The following DBX2 variants were observed in gnomAD, a reference collection of about 807,000 sequenced individuals.
DBX2 encodes developing brain homeobox 2, also known as homeobox protein DBX2.
DBX2 carries 16 observed loss-of-function variants against 17.7 expected under a neutral mutation model. The observed-to-expected ratio is 0.90, with a 90% CI of 0.61 to 1.37. The LOEUF is 1.37. Ranked by LOEUF, DBX2 falls within the 40% of genes most tolerant of loss-of-function variation. The probability of loss-of-function intolerance (pLI) is 0.00; values close to 1 mark genes in which losing one functional copy is unlikely to be tolerated. For synonymous variants in DBX2, 255 were observed against 183.8 expected (o/e 1.39, Z -3.13); for missense variants, 538 against 433.8 (o/e 1.24, Z -2.13).
At chr12:45,024,146 C>T (rs1252192454) in intron 2 of DBX2, among the ~76,000 whole-genome samples, 1 of 152,128 alleles carries the variant, frequency 6.6e-6, no homozygotes, top group African/African-American at 2.4e-5. Flanking sequence ...CCATGCTGTT[C>T]TCATGAAAGT....
At chr12:45,017,098 A>G (rs1403769281) in intron 3 of DBX2, among the ~76,000 whole-genome samples, 1 of 152,160 alleles carries the variant, frequency 6.6e-6, no homozygotes, top group African/African-American at 2.4e-5. Context: ...AAATATCTTA[A>G]TCTAATATCC....
At chr12:45,032,883 T>C (rs1050054731) in intron 2 of DBX2, among the ~76,000 whole-genome samples, 12 of 152,356 alleles carry the variant, frequency 7.9e-5, no homozygotes, top group African/African-American at 2.9e-4. Flanking sequence ...AAGTAATTTT[T>C]AAAAAGTCAT....
At chr12:45,019,641 A>C (rs1565579992) in intron 3 of DBX2, among the ~76,000 whole-genome samples, 1 of 152,090 alleles carries the variant, frequency 6.6e-6, no homozygotes, top group Non-Finnish European at 1.5e-5. Context: ...AAAGTGCATA[A>C]AAATTTGTGA....
chr12:45,050,780 G>A lies in DBX2; in HGVS notation c.148C>T (p.Pro50Ser), dbSNP rs754475024. 4 of 1,518,770 alleles carry A rather than the reference G, an allele frequency of 2.6e-6. No individual in the cohort carries two copies. The highest frequency in any genetic ancestry group is 3.5e-6 in the Non-Finnish European group (4 of 1,134,952). 94.1% of individuals were successfully genotyped at this position (1,518,770 alleles called of 1,614,324 possible). A position where few individuals can be genotyped will look rare whatever the true frequency, so the allele number is the denominator to read the frequency against. ...IENLLRVGGAPTPRLQPPAPH... is the reference protein window; with the variant it reads ...IENLLRVGGASTPRLQPPAPH... ...GCGGGCGGCTGCAGCCTGGGCGTTG[G>A]GGCGCCCCCGACCCGCAGCAAATTC... The change falls in exon 1 of 4, where the codon CCA becomes TCA. Residue 50 changes from proline (P) to serine (S), a missense_variant. Physicochemically the swap from Pro to Ser is moderately conservative, Grantham distance 74. Transcript: ENST00000332700.
At chr12:45,023,276 A>G (rs1946363070) in intron 3 of DBX2, among the ~76,000 whole-genome samples, 1 of 152,220 alleles carries the variant, frequency 6.6e-6, no homozygotes, top group South Asian at 2.1e-4. Context: ...TCATGGTTTG[A>G]TTTTTGGATT....
At chr12:45,018,005 T>A (rs1208741990) in intron 3 of DBX2, among the ~76,000 whole-genome samples, 1 of 152,200 alleles carries the variant, frequency 6.6e-6, no homozygotes, top group Non-Finnish European at 1.5e-5. Flanking sequence ...TTTTACTTGA[T>A]TGGCAATGTT....
chr12:45,016,460 G>C lies in DBX2; in HGVS notation c.846C>G (p.Val282=). The C allele has an allele frequency of 6.2e-7, 1 of 1,613,944 alleles. No homozygotes were observed. The highest frequency in any genetic ancestry group is 8.5e-7 in the Non-Finnish European group (1 of 1,179,946). Residue 282 remains valine, a synonymous_variant, in exon 4 of 4, where the codon GTC becomes GTG. Coordinates refer to ENST00000332700, the MANE Select transcript of DBX2 (RefSeq NM_001004329.3). ...ATCTTGGACTTGAGTGCTGTTGGGG[G>C]ACGTCCCATATTGAAGGACATGGAG... ...FPSPCPSIWD[V]PQQHSSPRWR...
chr12:45,022,903 C>A (rs964140798), intron 3 of DBX2, among the ~76,000 whole-genome samples: 1 of 152,180 alleles, frequency 6.6e-6, no homozygotes, highest in Non-Finnish European at 1.5e-5. Context: ...GTTAAGCTGT[C>A]TAAGGTGGGA....
At chr12:45,033,053 T>C (rs1946418353) in intron 2 of DBX2, among the ~76,000 whole-genome samples, 1 of 152,200 alleles carries the variant, frequency 6.6e-6, no homozygotes, top group Admixed American at 6.5e-5. Flanking sequence ...ACTGTAAGCG[T>C]TGTGCTTAAA....
intron 1 of DBX2, among the ~76,000 whole-genome samples, chr12:45,047,123 A>G (rs139705146): frequency 2.3e-3 from 357 of 152,310 alleles, no homozygotes; most frequent in African/African-American, 7.9e-3. Context: ...GAAAACTGAT[A>G]TCATTCTGTA....
intron 3 of DBX2, among the ~76,000 whole-genome samples, chr12:45,022,838 C>CTAGAA (rs1340575830): frequency 6.6e-6 from 1 of 152,196 alleles, no homozygotes; most frequent in Non-Finnish European, 1.5e-5. Context: ...GTACAGTGAA[C>CTAGAA]TCTATGCACA....
At chr12:45,041,910 A>C (rs573905204) in intron 1 of DBX2, among the ~76,000 whole-genome samples, 1 of 152,312 alleles carries the variant, frequency 6.6e-6, no homozygotes, top group Non-Finnish European at 1.5e-5. Flanking sequence ...CTCCAAGTTC[A>C]GTTTTGTTCA....
intron 2 of DBX2, among the ~76,000 whole-genome samples, chr12:45,030,375 T>C (rs117527923): frequency 8.7e-4 from 133 of 152,350 alleles, no homozygotes; most frequent in Non-Finnish European, 1.6e-3. Flanking sequence ...GCCAGTAATG[T>C]GTGTGATGTT....
chr12:45,025,924 G>A (rs764566936), intron 2 of DBX2, among the ~76,000 whole-genome samples: 5 of 151,260 alleles, frequency 3.3e-5, no homozygotes, highest in Non-Finnish European at 7.4e-5. Context: ...AAGGAATAAA[G>A]TCTATCCAAG....
intron 2 of DBX2, among the ~76,000 whole-genome samples, chr12:45,024,501 G>A (rs11609889): frequency 0.075 from 11,432 of 152,250 alleles, 551 homozygotes; most frequent in Admixed American, 0.12. Flanking sequence ...CAAGGCCCAA[G>A]GCCCAAGGTC....
chr12:45,015,422 T>C lies in DBX2; in HGVS notation c.*864A>G, dbSNP rs1046359727. 5.9e-5 allele frequency: 9 copies of C among 152,320 alleles called. No homozygotes were observed. Among genetic ancestry groups the C allele is most frequent in the African/African-American group, 1.9e-4 (8 of 41,590 alleles). The allele number at this position is 152,320 out of a possible 1,614,324, so 9.4% of individuals were successfully genotyped here. A position where few individuals can be genotyped will look rare whatever the true frequency, so the allele number is the denominator to read the frequency against. ...AACTTCTTGGCATAGACATTTTGTTTGGCCAATACAGTATTTGAAAAATTA... is the reference window on the plus strand; with the variant it reads ...AACTTCTTGGCATAGACATTTTGTTCGGCCAATACAGTATTTGAAAAATTA... On this transcript the variant is annotated 3_prime_UTR_variant, in exon 4 of 4. Transcript: ENST00000332700.
At chr12:45,031,513 T>G (rs1288421725) in intron 2 of DBX2, among the ~76,000 whole-genome samples, 2 of 152,104 alleles carry the variant, frequency 1.3e-5, no homozygotes, top group African/African-American at 4.8e-5. Flanking sequence ...AGACCTGAGT[T>G]AAAGAAAACT....
intron 3 of DBX2, among the ~76,000 whole-genome samples, chr12:45,021,073 C>A (rs893463239): frequency 6.6e-6 from 1 of 151,958 alleles, no homozygotes; most frequent in African/African-American, 2.4e-5. Flanking sequence ...TTCTGAGATG[C>A]TGTAACTGAT....
At chr12:45,044,718 G>A (rs1946490598) in intron 1 of DBX2, among the ~76,000 whole-genome samples, 2 of 151,958 alleles carry the variant, frequency 1.3e-5, no homozygotes, top group Admixed American at 6.6e-5. Context: ...TTGATCTTTG[G>A]TTTCAGAGAC....
Sources: allele counts gnomAD v4.1 joint callset (sites outside exome capture counted in the v4.1 genomes callset), GRCh38; gene constraint gnomAD v4.1.1; transcripts MANE v1.5; gene names NCBI Gene and HGNC (gene_info 2026-07-23, HGNC 2026-07-21).